The following CADPS variants were observed in gnomAD, a reference collection of about 807,000 sequenced individuals.
CADPS encodes the protein calcium dependent secretion activator, also known as calcium-dependent secretion activator 1.
Under a neutral mutation model 167.3 loss-of-function variants are expected in CADPS, and 57 were observed. That is an observed-to-expected ratio of 0.34 (90% confidence interval 0.28 to 0.42). The LOEUF (loss-of-function observed/expected upper bound fraction) is 0.42. Among genes scored for constraint, CADPS ranks in the 20% least tolerant of loss-of-function variants. CADPS has a pLI of 1.00. For synonymous variants in CADPS, 676 were observed against 635.3 expected, an observed-to-expected ratio of 1.06 and a Z score of -0.96; for missense variants, 1,414 against 1,738.1, an observed-to-expected ratio of 0.81 and a Z score of 3.32.
intron 8 of CADPS, among the ~76,000 whole-genome samples, chr3:62,577,574 T>C (rs938387007): frequency 5.3e-5 from 8 of 152,130 alleles, no homozygotes; most frequent in South Asian, 2.1e-4. Context: ...GTACAAAGAA[T>C]AAATGAAAGC....
At position 62,465,287 on chromosome 3, in the gene CADPS, A is replaced by G. The variant is rs927156096; in HGVS notation, c.3636+80T>C. On this transcript the variant is annotated intron_variant, in intron 26 of 29. Coordinates refer to ENST00000383710, the MANE Select transcript of CADPS (RefSeq NM_003716.4). The surrounding 1 kb of genome is among the most constrained non-coding windows in gnomAD (Gnocchi z 4.1). ...ACACACACACCCATCCCAAAACAAA[A>G]TGACACAACATAACTCCTCTCCCAA... 13 of 990,024 alleles carry G rather than the reference A, an allele frequency of 1.3e-5. No homozygotes were observed. Among genetic ancestry groups the G allele is most frequent in the African/African-American group, 9.8e-5 (6 of 61,412 alleles). 61.3% of individuals were successfully genotyped at this position (990,024 alleles called of 1,614,324 possible). A position where few individuals can be genotyped will look rare whatever the true frequency, so the allele number is the denominator to read the frequency against.
intron 1 of CADPS, among the ~76,000 whole-genome samples, chr3:62,864,353 CAG>C (rs1482793674): frequency 6.6e-6 from 1 of 152,166 alleles, no homozygotes; most frequent in East Asian, 1.9e-4. Flanking sequence ...GTTGCTGAGA[CAG>C]ATGGTATGGA....
At chr3:62,820,585 C>A (rs576899939) in intron 1 of CADPS, among the ~76,000 whole-genome samples, 46 of 152,160 alleles carry the variant, frequency 3.0e-4, no homozygotes, top group African/African-American at 1.1e-3. Flanking sequence ...GTTGCAGGTC[C>A]TTATTTTGTC....
intron 1 of CADPS, among the ~76,000 whole-genome samples, chr3:62,782,967 C>A (rs1330157084): frequency 6.6e-6 from 1 of 152,026 alleles, no homozygotes; most frequent in Non-Finnish European, 1.5e-5. Context: ...GCCATGTTGG[C>A]CAGGCTGGTC....
intron 2 of CADPS, among the ~76,000 whole-genome samples, chr3:62,755,521 G>A (rs1417708851): frequency 2.0e-5 from 3 of 152,348 alleles, no homozygotes; most frequent in African/African-American, 7.2e-5. Context: ...TTCAGGAAAT[G>A]CACTTGTTGG....
Position 62,732,602 on chromosome 3 carries a change from T to C in CADPS, c.888+20839A>G, listed in dbSNP as rs115138453. Reference sequence around the variant, plus strand: ...GAAAGTTACACGACAAGAGACAATATAGCATTCATGCACTTATTCACTGAT... The same window carrying C: ...GAAAGTTACACGACAAGAGACAATACAGCATTCATGCACTTATTCACTGAT... On this transcript the variant is annotated intron_variant, in intron 3 of 29. Coordinates refer to ENST00000383710, the MANE Select transcript of CADPS (RefSeq NM_003716.4). Among the ~76,000 whole-genome samples the C allele has an allele frequency of 7.8e-3, 1,186 of 152,346 alleles. 7 individuals carry two copies. The highest frequency in any genetic ancestry group is 0.011 in the Non-Finnish European group (778 of 68,022).
chr3:62,703,335 AGGG>A (rs1274068758), intron 3 of CADPS, among the ~76,000 whole-genome samples: 1 of 152,126 alleles, frequency 6.6e-6, no homozygotes, highest in Non-Finnish European at 1.5e-5. Context: ...TAATCCAGGG[AGGG>A]AGCTCTTGGT....
intron 1 of CADPS, among the ~76,000 whole-genome samples, chr3:62,858,381 C>T (rs1041911101): frequency 6.6e-6 from 1 of 152,100 alleles, no homozygotes; most frequent in Non-Finnish European, 1.5e-5. Flanking sequence ...AAAACTTCTC[C>T]CCTAAGCATG....
intron 4 of CADPS, among the ~76,000 whole-genome samples, chr3:62,655,310 C>T (rs1206375251): frequency 3.3e-5 from 5 of 152,160 alleles, no homozygotes; most frequent in East Asian, 1.9e-4. Context: ...AAAATGCAGT[C>T]GTCCATCTCC....
intron 7 of CADPS, among the ~76,000 whole-genome samples, chr3:62,591,172 T>C (rs1035516289): frequency 6.6e-6 from 1 of 152,122 alleles, no homozygotes; most frequent in African/African-American, 2.4e-5. Context: ...TAAAATTTAT[T>C]GAAAGTCTAT....
At chr3:62,443,743 GC>G (rs2056761622) in intron 27 of CADPS, among the ~76,000 whole-genome samples, 1 of 152,134 alleles carries the variant, frequency 6.6e-6, no homozygotes, top group Admixed American at 6.5e-5. Context: ...CCCCAGGCAT[GC>G]CGAACTGTGA....
At chr3:62,615,684 C>T (rs1420871201) in intron 6 of CADPS, among the ~76,000 whole-genome samples, 3 of 152,024 alleles carry the variant, frequency 2.0e-5, no homozygotes, top group Admixed American at 6.6e-5. Flanking sequence ...ATCAAGTACC[C>T]GATGGATACA....
intron 3 of CADPS, among the ~76,000 whole-genome samples, chr3:62,697,822 T>C (rs916468011): frequency 1.3e-5 from 2 of 152,240 alleles, no homozygotes; most frequent in Middle Eastern, 3.4e-3. Flanking sequence ...TGGTATCACA[T>C]TGTGGTTTTG....
chr3:62,692,825 T>C (rs1275407751), intron 3 of CADPS, among the ~76,000 whole-genome samples: 4 of 152,022 alleles, frequency 2.6e-5, no homozygotes, highest in Admixed American at 2.6e-4. Flanking sequence ...TTTAGATTAA[T>C]TTAGGGACAG....
At chr3:62,508,830 A>G (rs1304729626) in intron 17 of CADPS, among the ~76,000 whole-genome samples, 3 of 152,152 alleles carry the variant, frequency 2.0e-5, no homozygotes, top group Non-Finnish European at 4.4e-5. Flanking sequence ...CACTGGTTTC[A>G]TATTTGTGGG....
At chr3:62,494,983 A>G (rs904855686) in intron 18 of CADPS, among the ~76,000 whole-genome samples, 1 of 152,152 alleles carries the variant, frequency 6.6e-6, no homozygotes, top group East Asian at 1.9e-4. Context: ...TTTTTAGCTT[A>G]AAAGTTGCAA....
chr3:62,633,756 A>G (rs911718456), intron 6 of CADPS, among the ~76,000 whole-genome samples: 2 of 152,124 alleles, frequency 1.3e-5, no homozygotes, highest in African/African-American at 4.8e-5. Context: ...AGGGGCCCTG[A>G]ACCCACATTT....
chr3:62,708,650 T>C (rs899458967), intron 3 of CADPS, among the ~76,000 whole-genome samples: 2 of 151,998 alleles, frequency 1.3e-5, no homozygotes, highest in Admixed American at 6.5e-5. Context: ...TGTAGAAATC[T>C]GTAGGAGAAT....
rs139202229 is a variant in CADPS at position 62,630,508 on chromosome 3, C to A, written c.1325+15214G>T. ...GGATTGCAGGCATGCACCACCACAC[C>A]CAGCTTTTTTTTTAATTTTTAAATT... On this transcript the variant is annotated intron_variant, in intron 6 of 29. Coordinates refer to ENST00000383710, the MANE Select transcript of CADPS (RefSeq NM_003716.4). 6.1e-3 allele frequency among the ~76,000 whole-genome samples: 933 copies of A among 152,082 alleles called. 12 individuals carry two copies. The highest frequency in any genetic ancestry group is 0.021 in the African/African-American group (875 of 41,466).
Sources: gnomAD v4.1 joint callset for allele counts (sites outside exome capture counted in the v4.1 genomes callset) on GRCh38, gnomAD v4.1.1 for gene constraint, Gnocchi (gnomAD v3.1) non-coding constraint, MANE v1.5 for transcripts, NCBI Gene and HGNC (gene_info 2026-07-23, HGNC 2026-07-21) for gene names.